Variants in TG observed in about 807,000 individuals in gnomAD.
The protein encoded by TG is thyroid hormones.
TG carries 270 observed loss-of-function variants against 324.7 expected under a neutral mutation model. The observed-to-expected ratio is 0.83, with a 90% CI of 0.75 to 0.92. The LOEUF (loss-of-function observed/expected upper bound fraction) is 0.92. Ranked by LOEUF, TG falls within the 40% of genes least tolerant of loss-of-function variation. The pLI, the probability that TG is intolerant of heterozygous loss-of-function variation, is 0.00. For synonymous variants in TG, 1,401 were observed against 1,327.0 expected (o/e 1.06, Z -1.21); for missense variants, 3,591 against 3,456.4 (o/e 1.04, Z -0.98).
chr8:133,039,854 A>AC (rs1212731669), intron 41 of TG: 3 of 1,403,496 alleles, frequency 2.1e-6, no homozygotes, highest in Non-Finnish European at 2.9e-6. Flanking sequence ...GGGGGTGCTC[A>AC]CCCCCCAGTT....
chr8:133,006,999 A>AT (rs200195744), intron 35 of TG, among the ~76,000 whole-genome samples: 12 of 151,408 alleles, frequency 7.9e-5, no homozygotes, highest in African/African-American at 2.4e-4. Context: ...TTTTATGTTA[A>AT]TTTTTTTTTA....
intron 47 of TG, 65 bp downstream of exon 47, chr8:133,133,725 G>A: frequency 6.4e-7 from 1 of 1,554,498 alleles, no homozygotes; most frequent in East Asian, 2.3e-5. Context: ...TGTGCTCGCT[G>A]CATGAGACCT....
intron 41 of TG, chr8:133,049,280 TA>T (rs2131204347): frequency 7.4e-6 from 3 of 406,552 alleles, no homozygotes; most frequent in South Asian, 5.1e-5. Flanking sequence ...GGAAGGCACA[TA>T]AGCATTTTTG....
chr8:133,030,586 G>T (rs1328921544), intron 41 of TG, among the ~76,000 whole-genome samples: 1 of 152,204 alleles, frequency 6.6e-6, no homozygotes, highest in Non-Finnish European at 1.5e-5. Context: ...TCCAATTGGT[G>T]CCAGATATGC....
At chr8:133,001,728 G>A in intron 35 of TG, 1 of 985,366 alleles carries the variant, frequency 1.0e-6, no homozygotes, top group Non-Finnish European at 1.2e-6. Context: ...TGGCCGTACA[G>A]GCCTCCAAGG....
intron 44 of TG, among the ~76,000 whole-genome samples, chr8:133,116,259 G>A (rs986121719): frequency 6.6e-5 from 10 of 152,158 alleles, no homozygotes; most frequent in South Asian, 4.1e-4. Flanking sequence ...TTGCATTTAC[G>A]TTACTATAAA....
At chr8:132,882,680 C>A in intron 7 of TG, 68 bp downstream of exon 7, 1 of 1,613,340 alleles carries the variant, frequency 6.2e-7, no homozygotes, top group Non-Finnish European at 8.5e-7. Flanking sequence ...TTCAAAGTTG[C>A]TATGGTGTGT....
Position 133,030,027 on chromosome 8 carries a change from A to C in TG, c.7239+4A>C, listed in dbSNP as rs763128813. ...TTTCCGGAGAGCTGTGCTGATGGTA[A>C]GTGGTGTGTGTTCTACCTTCAGTCT... On this transcript the variant is annotated splice_donor_region_variant and intron_variant, in intron 41 of 47. Transcript: ENST00000220616. 9.9e-6 allele frequency: 16 copies of C among 1,614,194 alleles called. No individual in the cohort carries two copies. The East Asian group carries it at 3.6e-4, about 36-fold the overall frequency.
chr8:133,121,947 A>G (rs1564212861), intron 45 of TG, among the ~76,000 whole-genome samples: 1 of 152,172 alleles, frequency 6.6e-6, no homozygotes, highest in Admixed American at 6.5e-5. Flanking sequence ...TATTGTCCCA[A>G]AAAGACATCT....
Position 132,888,384 on chromosome 8 carries a change from G to A in TG, c.2577G>A (p.Glu859=). The change falls in exon 10 of 48, where the codon GAG becomes GAA. Residue 859 remains glutamate (E), a synonymous_variant. Transcript: ENST00000220616. ...AAGGGAAACGGCCCCAGCCCAGGGA[G>A]AATATCCTCCTGGAGCCCTACCTCT... ...ALEGKRPQPR[E]NILLEPYLFW... is the part of the protein sequence containing the mutation. The A allele has an allele frequency of 1.9e-6, 3 of 1,614,186 alleles. No individual in the cohort carries two copies. The highest frequency in any genetic ancestry group is 1.1e-5 in the South Asian group (1 of 91,090).
At position 133,050,899 on chromosome 8, in the gene TG, G is replaced by A. The variant is rs1405947277; in HGVS notation, c.7239+20876G>A. 6 of 1,612,832 alleles carry A rather than the reference G, an allele frequency of 3.7e-6. No homozygotes were observed. In the South Asian group the frequency reaches 4.4e-5, roughly 12 times the overall value. ...ACGGGTAGTCACTTAGCACGGCAAG[G>A]AAGTCGCTATCCAGTCCTGGGGAAA... On this transcript the variant is annotated intron_variant, in intron 41 of 47. Transcript: ENST00000220616.
At chr8:132,900,934 G>A (rs180697134) in intron 15 of TG, among the ~76,000 whole-genome samples, 1 of 152,304 alleles carries the variant, frequency 6.6e-6, no homozygotes, top group Admixed American at 6.5e-5. Context: ...CGTTCTGGCT[G>A]TGCCACCTGC....
Position 133,017,773 on chromosome 8 carries a change from A to T in TG, c.6563-5A>T. The T allele has an allele frequency of 6.2e-7, 1 of 1,614,022 alleles. No homozygotes were observed. The highest frequency in any genetic ancestry group is 8.5e-7 in the Non-Finnish European group (1 of 1,179,964). On this transcript the variant is annotated splice_polypyrimidine_tract_variant and splice_region_variant and intron_variant, in intron 37 of 47. Transcript: ENST00000220616. ...CTCACCCCTTTCTCTTCCCTTTCCC[A>T]ACAGGAATCTCTCTGCTCAGCTATG...
chr8:132,971,908 C>T lies in TG; in HGVS notation c.6055+35C>T, dbSNP rs369710069. On this transcript the variant is annotated intron_variant, in intron 33 of 47. Coordinates refer to ENST00000220616, the MANE Select transcript of TG (RefSeq NM_003235.5). Reference sequence around the variant, plus strand: ...GTAACAACTTCCTCTCCCCTGCGCACAGTACTCTGCAGTTTAGAAAACACA... The same window carrying T: ...GTAACAACTTCCTCTCCCCTGCGCATAGTACTCTGCAGTTTAGAAAACACA... 4 of 1,340,048 alleles carry T rather than the reference C, an allele frequency of 3.0e-6. No homozygotes were observed. The African/African-American group carries it at 5.8e-5, about 19-fold the overall frequency. 83.0% of individuals were successfully genotyped at this position (1,340,048 alleles called of 1,614,324 possible).
chr8:132,983,514 A>G, intron 35 of TG, 102 bp downstream of exon 35: 1 of 1,155,148 alleles, frequency 8.7e-7, no homozygotes, highest in South Asian at 1.2e-5. Context: ...TAGCTTGCAT[A>G]TCACTCGCAT....
chr8:132,973,806 GAGAGGCTGAGC>G (rs1371477253), intron 34 of TG, among the ~76,000 whole-genome samples: 1 of 152,142 alleles, frequency 6.6e-6, no homozygotes, highest in African/African-American at 2.4e-5. Context: ...TCAAATTAGA[GAGAGGCTGAGC>G]AGAGGTTTAG....
chr8:132,900,390 T>G, intron 15 of TG, 51 bp downstream of exon 15: 1 of 1,535,584 alleles, frequency 6.5e-7, no homozygotes, highest in East Asian at 2.3e-5. Context: ...TGTGGGGCAC[T>G]GAGCGTGGAG....
At chr8:133,057,902 C>G (rs1386239332) in intron 41 of TG, among the ~76,000 whole-genome samples, 1 of 152,166 alleles carries the variant, frequency 6.6e-6, no homozygotes, top group African/African-American at 2.4e-5. Flanking sequence ...CCAGGCTGGC[C>G]TCTGGGTGAT....
chr8:133,030,893 G>A (rs1342626354), intron 41 of TG, among the ~76,000 whole-genome samples: 1 of 152,236 alleles, frequency 6.6e-6, no homozygotes, highest in Non-Finnish European at 1.5e-5. Context: ...CAGCAGTGTG[G>A]AGCAGAGATG....
Sources: gnomAD v4.1 joint callset for allele counts (sites outside exome capture counted in the v4.1 genomes callset) on GRCh38, gnomAD v4.1.1 for gene constraint, MANE v1.5 for transcripts, NCBI Gene and HGNC (gene_info 2026-07-23, HGNC 2026-07-21) for gene names.